C15orf40: variants seen among roughly 807,000 people sequenced by gnomAD.
C15orf40 encodes chromosome 15 open reading frame 40.
C15orf40 carries 9 observed loss-of-function variants against 13.9 expected under a neutral mutation model. That is an observed-to-expected ratio of 0.65 (90% confidence interval 0.39 to 1.13). The LOEUF is 1.13. Among genes scored for constraint, C15orf40 ranks in the 50% most tolerant of loss-of-function variants. The pLI, the probability that C15orf40 is intolerant of heterozygous loss-of-function variation, is 0.01. For synonymous variants in C15orf40, 95 were observed against 69.2 expected (o/e 1.37, Z -1.85); for missense variants, 225 against 188.5 (o/e 1.19, Z -1.13).
At position 83,000,525 on chromosome 15, in the gene C15orf40, A is replaced by T. The variant is rs2031373244; in HGVS notation, c.*5072T>A. ...ACAGCATGTGAGCCCGTAGTCAGGC[A>T]CTGCAGACTACCTAATAGTGCTGTT... is the stretch of plus-strand genomic sequence containing the variant. On this transcript the variant is annotated 3_prime_UTR_variant, in exon 4 of 4. Transcript: ENST00000304177. 6.6e-6 allele frequency: 1 copy of T among 152,264 alleles called. No individual in the cohort carries two copies. 9.4% of individuals were successfully genotyped at this position (152,264 alleles called of 1,614,324 possible). A position where few individuals can be genotyped will look rare whatever the true frequency, so the allele number is the denominator to read the frequency against.
In C15orf40 at chr15:82,995,572, G is replaced by T. The variant is rs781580809; in HGVS notation, c.*10025C>A. The T allele has an allele frequency of 2.2e-4, 34 of 152,426 alleles. 3 individuals are homozygous for T. The highest frequency in any genetic ancestry group is 1.0e-4 in the Non-Finnish European group (7 of 68,246). The allele number at this position is 152,426 out of a possible 1,614,324, so 9.4% of individuals were successfully genotyped here. ...GGCCAAGGTGGAAGGATCACCTGAG[G>T]TCAGGAGTTCCAGACCAGCCTGGCC... is the stretch of plus-strand genomic sequence containing the variant. On this transcript the variant is annotated 3_prime_UTR_variant, in exon 4 of 4. Transcript: ENST00000304177.
downstream of C15orf40, chr15:82,992,075 G>T (rs1596397379): frequency 2.3e-6 from 1 of 443,016 alleles, no homozygotes; most frequent in South Asian, 1.8e-5. Flanking sequence ...AATTAGCTGG[G>T]TGTGGTGGTG....
chr15:82,998,087 G>A lies in C15orf40; in HGVS notation c.*7510C>T, dbSNP rs1359203217. ...CCCGGACGGGGTGGCTGGCCGGGCT[G>A]AGGGGCTCCTCACTTCCCAGTAGGG... On this transcript the variant is annotated 3_prime_UTR_variant, in exon 4 of 4. Coordinates refer to ENST00000304177, the MANE Select transcript of C15orf40 (RefSeq NM_144597.3). 1.8e-4 allele frequency: 24 copies of A among 133,298 alleles called. No homozygotes were observed. Among genetic ancestry groups the A allele is most frequent in the African/African-American group, 4.9e-4 (17 of 34,676 alleles). The allele number at this position is 133,298 out of a possible 1,614,324, so 8.3% of individuals were successfully genotyped here.
chr15:83,001,774 G>A lies in C15orf40; in HGVS notation c.*3823C>T, dbSNP rs1391153484. On this transcript the variant is annotated 3_prime_UTR_variant, in exon 4 of 4. Coordinates refer to ENST00000304177, the MANE Select transcript of C15orf40 (RefSeq NM_144597.3). ...CTTAACAGTAGGAATAGTCCTGTGT[G>A]AGACAATTAAGTTGTGAGGCTGCTG... The A allele has an allele frequency of 6.6e-6, 1 of 152,266 alleles. No homozygotes were observed. The highest frequency in any genetic ancestry group is 1.5e-5 in the Non-Finnish European group (1 of 68,066). 9.4% of individuals were successfully genotyped at this position (152,266 alleles called of 1,614,324 possible).
intron 3 of C15orf40, chr15:83,008,142 A>G (rs1343657758): frequency 5.3e-6 from 1 of 188,206 alleles, no homozygotes; most frequent in Non-Finnish European, 1.1e-5. Context: ...CAGTGCGTCA[A>G]GATTGCACCA....
downstream of C15orf40, chr15:82,989,890 C>A (rs2030785439): frequency 6.2e-7 from 1 of 1,611,948 alleles, no homozygotes; most frequent in Non-Finnish European, 8.5e-7. Context: ...GGTTGCAAGA[C>A]AACAGACAGT....
Position 82,998,654 on chromosome 15 carries a change from G to C in C15orf40, c.*6943C>G. The C allele has an allele frequency of 2.4e-5, 1 of 42,118 alleles. No homozygotes were observed. The highest frequency in any genetic ancestry group is 5.7e-3 in the Middle Eastern group (1 of 176). The allele number at this position is 42,118 out of a possible 1,614,324, so 2.6% of individuals were successfully genotyped here. A position where few individuals can be genotyped will look rare whatever the true frequency, so the allele number is the denominator to read the frequency against. On this transcript the variant is annotated 3_prime_UTR_variant, in exon 4 of 4. Transcript: ENST00000304177. ...CGCTCCTCACTTCCTAGATGGGATGGCGGCCGGGCGGAGACGCTCCTCACT... is the reference window on the plus strand; with the variant it reads ...CGCTCCTCACTTCCTAGATGGGATGCCGGCCGGGCGGAGACGCTCCTCACT...
At chr15:82,992,628 G>C (rs921077289), downstream of C15orf40, among the ~76,000 whole-genome samples, 2 of 152,204 alleles carry the variant, frequency 1.3e-5, no homozygotes, top group African/African-American at 4.8e-5. Context: ...TGCTGTGCCA[G>C]CTGTTGACAC....
At position 82,995,252 on chromosome 15, in the gene C15orf40, CCAAT is replaced by C. The variant is rs1476103612; in HGVS notation, c.*10341_*10344del. The stretch of plus-strand genomic sequence containing the variant: ...CTGGGCCAGGCTGGCTGCATGGGTC[CCAAT>C]CAGTGGGGCTGCACTCCATCATGGT... On this transcript the variant is annotated 3_prime_UTR_variant, in exon 4 of 4. Coordinates refer to ENST00000304177, the MANE Select transcript of C15orf40 (RefSeq NM_144597.3). 1 of 151,576 alleles carries C rather than the reference CCAAT, an allele frequency of 6.6e-6. No homozygotes were observed. The highest frequency in any genetic ancestry group is 1.5e-5 in the Non-Finnish European group (1 of 68,134). 9.4% of individuals were successfully genotyped at this position (151,576 alleles called of 1,614,324 possible).
At chr15:82,990,146 GT>G, downstream of C15orf40, 2 of 556,568 alleles carry the variant, frequency 3.6e-6, no homozygotes, top group Non-Finnish European at 5.6e-6. Flanking sequence ...GTTGGTCATA[GT>G]TTTACATCTG....
downstream of C15orf40, chr15:82,989,171 A>G (rs1202855544): frequency 1.9e-6 from 3 of 1,612,694 alleles, no homozygotes; most frequent in Non-Finnish European, 2.5e-6. Flanking sequence ...GTGGGAACCA[A>G]AGAAACAGAG....
chr15:82,994,050 G>A (rs2030959321), downstream of C15orf40, among the ~76,000 whole-genome samples: 1 of 152,156 alleles, frequency 6.6e-6, no homozygotes, highest in Non-Finnish European at 1.5e-5. Flanking sequence ...TGGGGTTCTT[G>A]AAACCACATA....
At chr15:82,990,115 A>G, downstream of C15orf40, 1 of 900,332 alleles carries the variant, frequency 1.1e-6, no homozygotes, top group East Asian at 2.8e-5. Context: ...TGTTACCATG[A>G]GAAAAGTTTG....
At position 83,001,001 on chromosome 15, in the gene C15orf40, C is replaced by T; in HGVS notation, c.*4596G>A. On this transcript the variant is annotated 3_prime_UTR_variant, in exon 4 of 4. Transcript: ENST00000304177. Reference sequence around the variant, plus strand: ...CGAATATTTGTATTTGTAGTAGAAACAGGGTTTCGCCATATTGGTCAGGCT... The same window carrying T: ...CGAATATTTGTATTTGTAGTAGAAATAGGGTTTCGCCATATTGGTCAGGCT... 2.2e-6 allele frequency: 1 copy of T among 445,432 alleles called. No individual in the cohort carries two copies. Among genetic ancestry groups the T allele is most frequent in the Non-Finnish European group, 3.0e-6 (1 of 336,770 alleles). 27.6% of individuals were successfully genotyped at this position (445,432 alleles called of 1,614,324 possible). A position where few individuals can be genotyped will look rare whatever the true frequency, so the allele number is the denominator to read the frequency against.
Position 83,005,576 on chromosome 15 carries a change from G to T in C15orf40, c.*21C>A. ...TGGGATTACAGGCATGAGCCACTGC[G>T]CCCGGCCTCATTTCTTGCTTTTATG... On this transcript the variant is annotated 3_prime_UTR_variant, in exon 4 of 4. Transcript: ENST00000304177. 1 of 1,591,556 alleles carries T rather than the reference G, an allele frequency of 6.3e-7. No homozygotes were observed. Among genetic ancestry groups the T allele is most frequent in the Non-Finnish European group, 8.6e-7 (1 of 1,169,124 alleles).
At chr15:83,006,204 C>T (rs187275977) in intron 3 of C15orf40, 341 of 255,776 alleles carry the variant, frequency 1.3e-3, no homozygotes, top group African/African-American at 7.4e-3. Flanking sequence ...GCACTCCAGC[C>T]TGGGCAACAG....
At position 83,004,554 on chromosome 15, in the gene C15orf40, CTTTT is replaced by C. The variant is rs202036704; in HGVS notation, c.*1039_*1042del. 1.8e-3 allele frequency: 1,582 copies of C among 856,770 alleles called. 15 individuals carry two copies. Among genetic ancestry groups the C allele is most frequent in the Non-Finnish European group, 1.5e-3 (1,105 of 712,952 alleles). 53.1% of individuals were successfully genotyped at this position (856,770 alleles called of 1,614,324 possible). A position where few individuals can be genotyped will look rare whatever the true frequency, so the allele number is the denominator to read the frequency against. On this transcript the variant is annotated 3_prime_UTR_variant, in exon 4 of 4. Coordinates refer to ENST00000304177, the MANE Select transcript of C15orf40 (RefSeq NM_144597.3). ...AAATAGCTTCCAAGTCCTCTTTCTT[CTTTT>C]AAGGATCTTTGGAGATTCATAAAAA...
rs919458362 is a variant in C15orf40, at chr15:83,003,004, G to T, written c.*2593C>A. 6.6e-6 allele frequency: 1 copy of T among 152,002 alleles called. No homozygotes were observed. The highest frequency in any genetic ancestry group is 2.4e-5 in the African/African-American group (1 of 41,356). 9.4% of individuals were successfully genotyped at this position (152,002 alleles called of 1,614,324 possible). ...CTTTTGTATTTTTAGTAGAGACGGG[G>T]TTTCACCATGTTGGCCAGGGTGATC... On this transcript the variant is annotated 3_prime_UTR_variant, in exon 4 of 4. Transcript: ENST00000304177.
At position 82,997,774 on chromosome 15, in the gene C15orf40, G is replaced by A. The variant is rs1348594481; in HGVS notation, c.*7823C>T. ...GAGGGGCTCCTCACTTCCCAGTAGG[G>A]GCGGCCGGGCAGAGGCGCCCCTCAC... On this transcript the variant is annotated 3_prime_UTR_variant, in exon 4 of 4. Coordinates refer to ENST00000304177, the MANE Select transcript of C15orf40 (RefSeq NM_144597.3). The A allele has an allele frequency of 2.9e-5, 4 of 138,690 alleles. No homozygotes were observed. In the South Asian group the frequency reaches 5.6e-4, roughly 19 times the overall value. The allele number at this position is 138,690 out of a possible 1,614,324, so 8.6% of individuals were successfully genotyped here.
Sources: gnomAD v4.1 joint callset for allele counts (sites outside exome capture counted in the v4.1 genomes callset) on GRCh38, gnomAD v4.1.1 for gene constraint, MANE v1.5 for transcripts, NCBI Gene and HGNC (gene_info 2026-07-23, HGNC 2026-07-21) for gene names.